The following ABLIM2 variants were observed in gnomAD, a reference collection of about 807,000 sequenced individuals.
ABLIM2 encodes actin binding LIM protein family member 2, also known as actin-binding LIM protein 2.
ABLIM2 carries 53 observed loss-of-function variants against 97.7 expected under a neutral mutation model. The ratio of observed to expected loss-of-function variants is 0.54; its 90% CI spans 0.44 to 0.68. The LOEUF (loss-of-function observed/expected upper bound fraction) is 0.68, where lower values mean the gene tolerates loss of function less well. Ranked by LOEUF, ABLIM2 falls within the 30% of genes least tolerant of loss-of-function variation. The probability of loss-of-function intolerance (pLI) is 0.00; values close to 1 mark genes in which losing one functional copy is unlikely to be tolerated. For synonymous variants in ABLIM2, 361 were observed against 345.8 expected, an observed-to-expected ratio of 1.04 and a Z score of -0.49; for missense variants, 835 against 867.2, an observed-to-expected ratio of 0.96 and a Z score of 0.47.
intron 11 of ABLIM2, among the ~76,000 whole-genome samples, chr4:8,028,695 G>C (rs372807671): frequency 6.6e-6 from 1 of 151,426 alleles, no homozygotes; most frequent in Non-Finnish European, 1.5e-5. Context: ...ACTTGGTCAC[G>C]CATTCCTTCA....
intron 3 of ABLIM2, among the ~76,000 whole-genome samples, chr4:8,090,523 A>G (rs1285968314): frequency 6.6e-6 from 1 of 152,082 alleles, no homozygotes; most frequent in Non-Finnish European, 1.5e-5. Context: ...TGACAAATGT[A>G]CACACCCATA....
intron 1 of ABLIM2, among the ~76,000 whole-genome samples, chr4:8,143,097 G>A (rs964791056): frequency 7.7e-5 from 11 of 143,574 alleles, no homozygotes; most frequent in Admixed American, 5.8e-4. Context: ...TTCCTTCATG[G>A]CTAAACGTCT....
rs1168481479 is a variant in ABLIM2, at chr4:8,087,183, A to C, written c.454+986T>G. ...TCCTCTGTCTGGGGACACCCCAGTG[A>C]CCACGGTGCTCAGAGTGGGCTTCTG... On this transcript the variant is annotated intron_variant, in intron 4 of 20. Transcript: ENST00000447017. This position sits in a 1 kb window ranked among gnomAD's most constrained non-coding sequence, Gnocchi z 4.6. Among the ~76,000 whole-genome samples the C allele has an allele frequency of 6.6e-6, 1 of 152,192 alleles. No homozygotes were observed. Among genetic ancestry groups the C allele is most frequent in the Non-Finnish European group, 1.5e-5 (1 of 68,038 alleles).
At position 8,085,168 on chromosome 4, in the gene ABLIM2, A is replaced by C. The variant is rs1214149441; in HGVS notation, c.454+3001T>G. Among the ~76,000 whole-genome samples the C allele has an allele frequency of 1.3e-5, 2 of 152,020 alleles. No individual in the cohort carries two copies. Among genetic ancestry groups the C allele is most frequent in the South Asian group, 2.1e-4 (1 of 4,806 alleles). ...GGGAAGCTCAGGGCCACGGGACTCA[A>C]GCTTGAGCTCTGCCTCAAGAGCCAG... is the stretch of plus-strand genomic sequence containing the variant. On this transcript the variant is annotated intron_variant, in intron 4 of 20. Coordinates refer to ENST00000447017, the MANE Select transcript of ABLIM2 (RefSeq NM_001130083.2). The surrounding 1 kb of genome is among the most constrained non-coding windows in gnomAD (Gnocchi z 6.1).
At chr4:8,151,300 T>A (rs1243302545) in intron 1 of ABLIM2, among the ~76,000 whole-genome samples, 1 of 152,136 alleles carries the variant, frequency 6.6e-6, no homozygotes, top group Non-Finnish European at 1.5e-5. Flanking sequence ...GTTGTAGGCC[T>A]GGAAGCTGCT....
At chr4:8,141,901 GCA>G (rs1459130366) in intron 1 of ABLIM2, among the ~76,000 whole-genome samples, 5 of 152,224 alleles carry the variant, frequency 3.3e-5, no homozygotes, top group Non-Finnish European at 7.3e-5. Flanking sequence ...GCGAATACAT[GCA>G]CCCTGGATCT....
At chr4:8,073,388 G>C (rs1813733817) in intron 6 of ABLIM2, among the ~76,000 whole-genome samples, 1 of 151,714 alleles carries the variant, frequency 6.6e-6, no homozygotes, top group African/African-American at 2.4e-5. Flanking sequence ...GGACAGTGTG[G>C]AAGGTCTGGG....
At chr4:8,088,350 C>T (rs1191246742) in intron 3 of ABLIM2, 66 bp from the exon 4 acceptor site, 1 of 1,332,602 alleles carries the variant, frequency 7.5e-7, no homozygotes, top group Non-Finnish European at 1.1e-6. Flanking sequence ...GAGCCCTGTC[C>T]CAGTGCAGGA....
At position 8,061,397 on chromosome 4, in the gene ABLIM2, G is replaced by C. The variant is rs1042821703; in HGVS notation, c.676-343C>G. On this transcript the variant is annotated intron_variant, in intron 6 of 20. Transcript: ENST00000447017. The surrounding 1 kb of genome is among the most constrained non-coding windows in gnomAD (Gnocchi z 4.5). ...AGGTCTTGGTATTTCCAGAGGGAGC[G>C]GGAGGGACAGGAGGAGGAAGAAAAG... is the stretch of plus-strand genomic sequence containing the variant. Among the ~76,000 whole-genome samples, 1 of 152,152 alleles carries C rather than the reference G, an allele frequency of 6.6e-6. No individual in the cohort carries two copies. The highest frequency in any genetic ancestry group is 6.6e-5 in the Admixed American group (1 of 15,264).
intron 2 of ABLIM2, among the ~76,000 whole-genome samples, chr4:8,101,507 T>A (rs979028356): frequency 5.3e-5 from 8 of 152,300 alleles, no homozygotes; most frequent in African/African-American, 1.9e-4. Flanking sequence ...CCTTCATTCC[T>A]CCCAGACCGC....
intron 18 of ABLIM2, among the ~76,000 whole-genome samples, chr4:7,984,433 TA>T (rs1741692026): frequency 6.6e-6 from 1 of 152,154 alleles, no homozygotes; most frequent in Admixed American, 6.5e-5. Context: ...ACAAACCTCC[TA>T]GTAGCCCTGC....
rs1054371336 is a variant in ABLIM2, at chr4:8,150,284, T to C, written c.10+8396A>G. The stretch of plus-strand genomic sequence containing the variant: ...CAGAGAGACAGGCCAGGCTGTCTTA[T>C]GGAATGACGGCAGACAGATGAGGAG... On this transcript the variant is annotated intron_variant, in intron 1 of 20. Transcript: ENST00000447017. The surrounding 1 kb of genome is among the most constrained non-coding windows in gnomAD (Gnocchi z 6.3). Among the ~76,000 whole-genome samples, 12 of 152,182 alleles carry C rather than the reference T, an allele frequency of 7.9e-5. No individual in the cohort carries two copies. Among genetic ancestry groups the C allele is most frequent in the African/African-American group, 2.4e-4 (10 of 41,438 alleles).
intron 9 of ABLIM2, among the ~76,000 whole-genome samples, chr4:8,039,105 C>T (rs989135987): frequency 1.3e-5 from 2 of 152,194 alleles, no homozygotes; most frequent in Non-Finnish European, 2.9e-5. Flanking sequence ...ACTGTGGCTC[C>T]TAGAGGCCCA....
At chr4:8,119,268 C>T (rs1844178974) in intron 1 of ABLIM2, among the ~76,000 whole-genome samples, 1 of 151,504 alleles carries the variant, frequency 6.6e-6, no homozygotes, top group Admixed American at 6.6e-5. Context: ...GATCTAGAAG[C>T]CCAAAGGAGG....
chr4:8,006,255 G>C (rs895977639), intron 16 of ABLIM2, among the ~76,000 whole-genome samples: 15 of 152,226 alleles, frequency 9.9e-5, no homozygotes, highest in Non-Finnish European at 1.9e-4. Context: ...CCCGTCTCTA[G>C]TCCGGCTTCT....
chr4:8,016,669 C>A (rs905497032), intron 14 of ABLIM2, among the ~76,000 whole-genome samples: 1 of 152,150 alleles, frequency 6.6e-6, no homozygotes, highest in East Asian at 1.9e-4. Context: ...CTCCTGCCTG[C>A]GTGCTGGAGA....
intron 2 of ABLIM2, among the ~76,000 whole-genome samples, chr4:8,101,604 C>T (rs776983487): frequency 7.9e-5 from 12 of 152,208 alleles, no homozygotes; most frequent in Non-Finnish European, 1.3e-4. Flanking sequence ...CACGGGCTCT[C>T]CTCCCGGACA....
chr4:7,969,006 C>T (rs1725362567), intron 20 of ABLIM2, among the ~76,000 whole-genome samples: 1 of 152,038 alleles, frequency 6.6e-6, no homozygotes, highest in South Asian at 2.1e-4. Context: ...GTGGCACATG[C>T]CTGTAATCCC....
intron 10 of ABLIM2, among the ~76,000 whole-genome samples, chr4:8,031,032 C>T (rs1038724667): frequency 3.3e-5 from 5 of 152,232 alleles, no homozygotes; most frequent in African/African-American, 9.6e-5. Flanking sequence ...AGGGGCTCTG[C>T]AGAAGATTCC....
Sources: gnomAD v4.1 joint callset for allele counts (sites outside exome capture counted in the v4.1 genomes callset) on GRCh38, gnomAD v4.1.1 for gene constraint, Gnocchi (gnomAD v3.1) non-coding constraint, MANE v1.5 for transcripts, NCBI Gene and HGNC (gene_info 2026-07-23, HGNC 2026-07-21) for gene names.